The following LRP8 variants were observed in gnomAD, a reference collection of about 807,000 sequenced individuals.
LRP8 encodes LDL receptor related protein 8, also known as low-density lipoprotein receptor-related protein 8.
A neutral mutation model predicts 111.6 loss-of-function variants in LRP8; 46 were observed. The ratio of observed to expected loss-of-function variants is 0.41; its 90% confidence interval spans 0.33 to 0.53. The LOEUF (loss-of-function observed/expected upper bound fraction) is 0.53, where lower values mean the gene tolerates loss of function less well. Ranked by LOEUF, LRP8 falls within the 20% of genes least tolerant of loss-of-function variation. The probability of loss-of-function intolerance (pLI) is 0.20; values close to 1 mark genes in which losing one functional copy is unlikely to be tolerated. For synonymous variants in LRP8, 464 were observed against 511.2 expected (o/e 0.91, Z 1.24); for missense variants, 959 against 1,297.4 (o/e 0.74, Z 4.01).
chr1:53,304,266 G>T (rs1196201788), intron 2 of LRP8, among the ~76,000 whole-genome samples: 2 of 152,140 alleles, frequency 1.3e-5, no homozygotes, highest in Non-Finnish European at 2.9e-5. Flanking sequence ...TGTTTGCCCT[G>T]GCACCCTAAT....
Position 53,262,587 on chromosome 1 carries a change from T to C in LRP8, c.1656-23A>G, listed in dbSNP as rs777652502. The C allele has an allele frequency of 1.3e-6, 2 of 1,593,438 alleles. No homozygotes were observed. Among genetic ancestry groups the C allele is most frequent in the African/African-American group, 1.3e-5 (1 of 74,514 alleles). On this transcript the variant is annotated intron_variant, in intron 10 of 18. Transcript: ENST00000306052. This position sits in a 1 kb window ranked among gnomAD's most constrained non-coding sequence, Gnocchi z 4.8. ...AACCTAAAAGACAAAATAACCCAAT[T>C]TGCCTTCTTGCTGGGGACATGACCG...
In LRP8 at chr1:53,250,574, C is replaced by T. The variant is rs1477383725; in HGVS notation, c.2676+116G>A. On this transcript the variant is annotated intron_variant, in intron 17 of 18. Coordinates refer to ENST00000306052, the MANE Select transcript of LRP8 (RefSeq NM_004631.5). The surrounding 1 kb of genome is among the most constrained non-coding windows in gnomAD (Gnocchi z 4.6). ...CGGAAGGAAAGGAGGGAGGGAAGGA[C>T]GGAAGGAAGGAAGGGAGGGAAGAAA... The T allele has an allele frequency of 6.6e-5, 55 of 837,890 alleles. No individual in the cohort carries two copies. Among genetic ancestry groups the T allele is most frequent in the Non-Finnish European group, 9.5e-5 (51 of 537,734 alleles). 51.9% of individuals were successfully genotyped at this position (837,890 alleles called of 1,614,324 possible). A position where few individuals can be genotyped will look rare whatever the true frequency, so the allele number is the denominator to read the frequency against.
At chr1:53,277,196 G>C in intron 4 of LRP8, 118 bp from the exon 5 acceptor site, 2 of 1,315,638 alleles carry the variant, frequency 1.5e-6, no homozygotes, top group African/African-American at 3.2e-5. Flanking sequence ...AGTGCCCTTT[G>C]GGGGCTGAAT....
intron 2 of LRP8, chr1:53,307,508 T>G (rs1557851118): frequency 6.6e-6 from 1 of 152,274 alleles, no homozygotes; most frequent in Non-Finnish European, 1.5e-5. Context: ...ACACAGCGCA[T>G]GTACTTGCAG....
At chr1:53,320,484 G>A (rs895465079) in intron 2 of LRP8, among the ~76,000 whole-genome samples, 2 of 152,170 alleles carry the variant, frequency 1.3e-5, no homozygotes, top group South Asian at 2.1e-4. Context: ...GCCTGGGTGC[G>A]AGGAGGCAGC....
Position 53,270,990 on chromosome 1 carries a change from C to T in LRP8, c.1252+38G>A, listed in dbSNP as rs763004399. 1.9e-6 allele frequency: 3 copies of T among 1,613,908 alleles called. No homozygotes were observed. The South Asian group carries it at 3.3e-5, about 18-fold the overall frequency. On this transcript the variant is annotated intron_variant, in intron 8 of 18. Transcript: ENST00000306052. The stretch of plus-strand genomic sequence containing the variant: ...TGGAAGCACGCTGCTTCCTGTATGC[C>T]TTTCAGAGCTGCCCCTCTGCCCTTG...
intron 9 of LRP8, among the ~76,000 whole-genome samples, 165 bp from the exon 10 acceptor site, chr1:53,264,561 G>A (rs1646479108): frequency 6.6e-6 from 1 of 152,176 alleles, no homozygotes; most frequent in African/African-American, 2.4e-5. Flanking sequence ...ACCAGGGTAG[G>A]GGTACAGACT....
chr1:53,278,084 G>A (rs757009470), intron 4 of LRP8, among the ~76,000 whole-genome samples: 1 of 152,222 alleles, frequency 6.6e-6, no homozygotes, highest in Non-Finnish European at 1.5e-5. Flanking sequence ...CAGCCCTATT[G>A]CCAGTTTATA....
intron 2 of LRP8, among the ~76,000 whole-genome samples, chr1:53,319,590 C>T (rs1022585251): frequency 2.6e-5 from 4 of 152,182 alleles, no homozygotes; most frequent in Non-Finnish European, 5.9e-5. Flanking sequence ...CCACCAGAGA[C>T]AAAGAGGTCA....
At chr1:53,292,081 T>G (rs1374432446) in intron 2 of LRP8, 1 of 152,192 alleles carries the variant, frequency 6.6e-6, no homozygotes, top group Admixed American at 6.5e-5. Context: ...ACCACCTTTA[T>G]TCAAATCTAC....
chr1:53,309,537 A>T (rs578034061), intron 2 of LRP8, among the ~76,000 whole-genome samples: 19 of 152,296 alleles, frequency 1.2e-4, no homozygotes, highest in African/African-American at 4.6e-4. Context: ...CACTACAGTC[A>T]CTGGCAGGAG....
rs764329548 is a variant in LRP8, at chr1:53,249,535, G to A, written c.2698C>T (p.Pro900Ser). 2.1e-5 allele frequency: 33 copies of A among 1,608,216 alleles called. No individual in the cohort carries two copies. The highest frequency in any genetic ancestry group is 2.6e-5 in the Non-Finnish European group (31 of 1,177,264). The stretch of plus-strand genomic sequence containing the variant: ...CCAAGACAGGGCTCTGCCCACAGTG[G>A]GCGATCAAAGCTGCTGATTGCCTGA... ...YPAAISSFDR[P>S]LWAEPCLGET... is the part of the protein sequence containing the mutation. The change falls in exon 18 of 19, where the codon CCA becomes TCA. Residue 900 changes from proline to serine, a missense_variant. Pro to Ser is a moderately conservative substitution (Grantham distance 74, BLOSUM62 -1). This residue lies in a region of LRP8 where 819 missense variants were observed against 1,097.6 expected (regional missense o/e 0.75). Transcript: ENST00000306052. This position sits in a 1 kb window ranked among gnomAD's most constrained non-coding sequence, Gnocchi z 4.1.
At chr1:53,297,269 T>C (rs1649910535) in intron 2 of LRP8, among the ~76,000 whole-genome samples, 1 of 151,944 alleles carries the variant, frequency 6.6e-6, no homozygotes, top group Admixed American at 6.5e-5. Context: ...ACCGCCAGAG[T>C]CGGAGATGTC....
Position 53,266,762 on chromosome 1 carries a change from G to T in LRP8, c.1253-115C>A. ...CACATCCATTTTCCTTAAAATAGTA[G>T]TGACAATTCCTACTTTACAGGTTGC... On this transcript the variant is annotated intron_variant, in intron 8 of 18. Transcript: ENST00000306052. The surrounding 1 kb of genome is among the most constrained non-coding windows in gnomAD (Gnocchi z 5.0). 2.2e-6 allele frequency: 2 copies of T among 889,432 alleles called. No homozygotes were observed. Among genetic ancestry groups the T allele is most frequent in the Non-Finnish European group, 3.6e-6 (2 of 557,568 alleles). The allele number at this position is 889,432 out of a possible 1,614,324, so 55.1% of individuals were successfully genotyped here. A position where few individuals can be genotyped will look rare whatever the true frequency, so the allele number is the denominator to read the frequency against.
intron 18 of LRP8, among the ~76,000 whole-genome samples, chr1:53,248,052 C>A (rs1645781864): frequency 6.6e-6 from 1 of 152,202 alleles, no homozygotes; most frequent in South Asian, 2.1e-4. Flanking sequence ...ACAGGACCTA[C>A]CTCACAGGGT....
In LRP8 at chr1:53,275,763, G is replaced by T. The variant is rs199991933; in HGVS notation, c.884-10C>A. 1 of 1,613,752 alleles carries T rather than the reference G, an allele frequency of 6.2e-7. No homozygotes were observed. The highest frequency in any genetic ancestry group is 2.2e-5 in the East Asian group (1 of 44,878). On this transcript the variant is annotated splice_polypyrimidine_tract_variant and intron_variant, in intron 5 of 18. Transcript: ENST00000306052. The surrounding 1 kb of genome is among the most constrained non-coding windows in gnomAD (Gnocchi z 4.4). Reference sequence around the variant, plus strand: ...CGGCAGGTGCCCAGTGCTGCCAGGAGAGGGCAAGGGGAGAGGATCAGAGTC... The same window carrying T: ...CGGCAGGTGCCCAGTGCTGCCAGGATAGGGCAAGGGGAGAGGATCAGAGTC...
At chr1:53,323,584 C>T (rs1654781654) in intron 2 of LRP8, among the ~76,000 whole-genome samples, 1 of 152,264 alleles carries the variant, frequency 6.6e-6, no homozygotes, top group African/African-American at 2.4e-5. Context: ...GGCTCTCTAG[C>T]TTCCAGCTCC....
chr1:53,326,829 T>A (rs1388494843), intron 2 of LRP8, 44 bp downstream of exon 2: 1 of 1,593,192 alleles, frequency 6.3e-7, no homozygotes. Context: ...CCCCCACCGT[T>A]CCTTTTCTCT....
intron 15 of LRP8, among the ~76,000 whole-genome samples, chr1:53,255,769 C>A (rs540127449): frequency 8.0e-4 from 122 of 152,254 alleles, no homozygotes; most frequent in African/African-American, 2.9e-3. Context: ...TGACCTTGGG[C>A]AAATTATTAT....
Sources: gnomAD v4.1 joint callset for allele counts (sites outside exome capture counted in the v4.1 genomes callset) on GRCh38, gnomAD v4.1.1 for gene constraint, gnomAD v4.1.1 regional missense constraint, Gnocchi (gnomAD v3.1) non-coding constraint, MANE v1.5 for transcripts, NCBI Gene and HGNC (gene_info 2026-07-23, HGNC 2026-07-21) for gene names.